Variants in RNFT1 observed in about 807,000 individuals in gnomAD.
RNFT1 encodes ring finger protein, transmembrane 1.
Under a neutral mutation model 53.2 loss-of-function variants are expected in RNFT1, and 35 were observed. The ratio of observed to expected loss-of-function variants is 0.66; its 90% CI spans 0.50 to 0.87. RNFT1 has a LOEUF of 0.87. Among genes scored for constraint, RNFT1 ranks in the 40% least tolerant of loss-of-function variants. The pLI is 0.00. For synonymous variants in RNFT1, 141 were observed against 172.8 expected, an observed-to-expected ratio of 0.82 and a Z score of 1.44; for missense variants, 421 against 515.0, an observed-to-expected ratio of 0.82 and a Z score of 1.77.
chr17:59,959,721 C>T (rs2045275653), intron 4 of RNFT1: 1 of 156,910 alleles, frequency 6.4e-6, no homozygotes, highest in Non-Finnish European at 1.4e-5. Context: ...GGAGGTCTGA[C>T]CAACATGGTG....
In RNFT1 at chr17:59,957,362, T is replaced by C. The variant is rs1051270533; in HGVS notation, c.867A>G (p.Leu289=). 2.5e-6 allele frequency: 4 copies of C among 1,613,130 alleles called. No individual in the cohort carries two copies. The African/African-American group carries it at 5.3e-5, about 22-fold the overall frequency. The change falls in exon 6 of 9, where the codon TTA becomes TTG. Residue 289 remains leucine, a synonymous_variant. Coordinates refer to ENST00000305783, the MANE Select transcript of RNFT1 (RefSeq NM_016125.4). ...TTCGGTAGTATTGACACAATTCTTCTAAAAGCATATACCAGTAACCCTAAA... is the reference window on the plus strand; with the variant it reads ...TTCGGTAGTATTGACACAATTCTTCCAAAAGCATATACCAGTAACCCTAAA... ...FKSKGYWYML[L]EELCQYYRTF...
chr17:59,963,881 T>G (rs975547), intron 1 of RNFT1, among the ~76,000 whole-genome samples: 130,474 of 152,146 alleles, frequency 0.86, 56,091 homozygotes, highest in East Asian at 0.95. Flanking sequence ...GTGCCACCAA[T>G]AATATTACCT....
At chr17:59,963,740 C>T (rs1280506878) in intron 1 of RNFT1, among the ~76,000 whole-genome samples, 1 of 141,306 alleles carries the variant, frequency 7.1e-6, no homozygotes, top group Non-Finnish European at 1.5e-5. Flanking sequence ...GGAAAAAAAA[C>T]AACATTAAAT....
intron 3 of RNFT1, among the ~76,000 whole-genome samples, chr17:59,961,165 T>A: frequency 6.6e-6 from 1 of 151,898 alleles, no homozygotes; most frequent in South Asian, 2.1e-4. Context: ...GCCTCCCAGA[T>A]AGCAGAGATT....
chr17:59,953,243 C>G (rs1029231656), intron 8 of RNFT1, 132 bp from the exon 9 acceptor site: 1 of 709,604 alleles, frequency 1.4e-6, no homozygotes, highest in African/African-American at 1.8e-5. Context: ...TCACCCAGGC[C>G]GGAGTGCAAT....
At position 59,958,422 on chromosome 17, in the gene RNFT1, A is replaced by C; in HGVS notation, c.715T>G (p.Leu239Val). 6.4e-7 allele frequency: 1 copy of C among 1,574,582 alleles called. No individual in the cohort carries two copies. The highest frequency in any genetic ancestry group is 8.5e-7 in the Non-Finnish European group (1 of 1,169,646). Residue 239 changes from leucine to valine, a missense_variant, in exon 5 of 9, where the codon TTG becomes GTG. By Grantham distance (32) the Leu-to-Val change is conservative. Coordinates refer to ENST00000305783, the MANE Select transcript of RNFT1 (RefSeq NM_016125.4). ...ACTTCCCAGAAGCTCAAATGGTCCA[A>C]AGTAGGATTTAAAAAAATTAAGCTA... ...YYSLIFLNPT[L>V]DHLSFWEVFW...
rs2045306266 is a variant in RNFT1, at chr17:59,963,012, C to T, written c.329G>A (p.Cys110Tyr). The T allele has an allele frequency of 6.2e-7, 1 of 1,614,232 alleles. No homozygotes were observed. Among genetic ancestry groups the T allele is most frequent in the Non-Finnish European group, 8.5e-7 (1 of 1,180,044 alleles). The change falls in exon 2 of 9, where the codon TGT (cysteine) becomes TAT (tyrosine). Residue 110 changes from cysteine (C) to tyrosine (Y), a missense_variant. By Grantham distance (194) the Cys-to-Tyr change is radical. Coordinates refer to ENST00000305783, the MANE Select transcript of RNFT1 (RefSeq NM_016125.4). ...RSGVHSCAHG[C>Y]VHSRLRGHSH... ...GTGACCCCGTAAGCGACTGTGTACA[C>T]ATCCATGGGCACAGCTATGGACACC...
intron 4 of RNFT1, chr17:59,958,812 A>T: frequency 5.7e-6 from 2 of 349,172 alleles, no homozygotes; most frequent in South Asian, 4.4e-5. Context: ...AAGATCATCA[A>T]CTCCCTCTGT....
In RNFT1 at chr17:59,954,016, T is replaced by C. The variant is rs769694876; in HGVS notation, c.1173+29A>G. On this transcript the variant is annotated intron_variant, in intron 8 of 8. Coordinates refer to ENST00000305783, the MANE Select transcript of RNFT1 (RefSeq NM_016125.4). ...GCAAGTCACAGAGAACTGTTGTATT[T>C]AGGTTTTTAAATTTAAAAATGTAAT... 1.6e-5 allele frequency: 22 copies of C among 1,368,266 alleles called. No individual in the cohort carries two copies. In the African/African-American group the frequency reaches 2.8e-4, roughly 18 times the overall value. 84.8% of individuals were successfully genotyped at this position (1,368,266 alleles called of 1,614,324 possible). A position where few individuals can be genotyped will look rare whatever the true frequency, so the allele number is the denominator to read the frequency against.
intron 3 of RNFT1, among the ~76,000 whole-genome samples, chr17:59,961,882 C>CTTTTTTTTT (rs71370154): frequency 2.2e-5 from 2 of 91,460 alleles, no homozygotes; most frequent in African/African-American, 4.4e-5. Context: ...TGGCCCAGGT[C>CTTTTTTTTT]TTTTTTTTTT....
At chr17:59,962,332 TACAAA>T in intron 3 of RNFT1, 1 of 463,908 alleles carries the variant, frequency 2.2e-6, no homozygotes, top group Non-Finnish European at 3.9e-6. Flanking sequence ...TTTTTTTTCT[TACAAA>T]GAAGGTAAGG....
At chr17:59,961,916 C>T (rs1319064046) in intron 3 of RNFT1, among the ~76,000 whole-genome samples, 5 of 114,242 alleles carry the variant, frequency 4.4e-5, no homozygotes, top group Non-Finnish European at 8.3e-5. Context: ...GATGGAGTCT[C>T]GTTCTGTAGC....
At chr17:59,959,225 C>T (rs544311463) in intron 4 of RNFT1, among the ~76,000 whole-genome samples, 47 of 152,304 alleles carry the variant, frequency 3.1e-4, no homozygotes, top group African/African-American at 1.1e-3. Context: ...AATGAAATGA[C>T]ACCACCATCC....
At chr17:59,958,172 T>C in intron 5 of RNFT1, 119 bp downstream of exon 5, 1 of 967,538 alleles carries the variant, frequency 1.0e-6, no homozygotes, top group Non-Finnish European at 1.5e-6. Context: ...ATAATACAGA[T>C]AATTAAGCTA....
chr17:59,956,492 T>A lies in RNFT1; in HGVS notation c.1067A>T (p.Gln356Leu). ...FRQVLRIFFT[Q>L]PSYGVAASKR... ...TAACTGATAAAAAGTACTTACTGGTTGTGTAAAAAATATTCGTAAAACCTG... is the reference window on the plus strand; with the variant it reads ...TAACTGATAAAAAGTACTTACTGGTAGTGTAAAAAATATTCGTAAAACCTG... Residue 356 changes from glutamine to leucine, a missense_variant, in exon 7 of 9, where the codon CAA (glutamine) becomes CTA (leucine). Physicochemically the swap from Gln to Leu is moderately radical, Grantham distance 113 (BLOSUM62 -2). Transcript: ENST00000305783. 1.2e-6 allele frequency: 2 copies of A among 1,610,388 alleles called. No homozygotes were observed. Among genetic ancestry groups the A allele is most frequent in the Non-Finnish European group, 1.7e-6 (2 of 1,177,906 alleles).
At chr17:59,954,194 G>C in intron 7 of RNFT1, 48 bp from the exon 8 acceptor site, 1 of 1,285,892 alleles carries the variant, frequency 7.8e-7, no homozygotes, top group Non-Finnish European at 1.1e-6. Flanking sequence ...TTTCTTTCCT[G>C]TTCCTCAAAT....
At chr17:59,962,305 C>T (rs1184552495) in intron 3 of RNFT1, 1 of 423,280 alleles carries the variant, frequency 2.4e-6, no homozygotes, top group East Asian at 4.0e-5. Flanking sequence ...CTTTTTACTA[C>T]TTTAACAGTA....
Position 59,952,797 on chromosome 17 carries a change from ATAT to A in RNFT1, c.*177_*179del. 1.9e-6 allele frequency: 1 copy of A among 517,156 alleles called. No homozygotes were observed. The highest frequency in any genetic ancestry group is 3.5e-5 in the Admixed American group (1 of 28,974). 32.0% of individuals were successfully genotyped at this position (517,156 alleles called of 1,614,324 possible). On this transcript the variant is annotated 3_prime_UTR_variant, in exon 9 of 9. Coordinates refer to ENST00000305783, the MANE Select transcript of RNFT1 (RefSeq NM_016125.4). ...ATATACATTAGGTTGAACATTATAT[ATAT>A]TTTAAAACACAGGGTGGTTTCATTT...
intron 2 of RNFT1, 32 bp downstream of exon 2, chr17:59,962,795 T>G (rs1011586391): frequency 6.4e-7 from 1 of 1,551,386 alleles, no homozygotes; most frequent in African/African-American, 1.4e-5. Flanking sequence ...AATTTAGGAA[T>G]GAAAACAAGT....
Sources: allele counts gnomAD v4.1 joint callset (sites outside exome capture counted in the v4.1 genomes callset), GRCh38; gene constraint gnomAD v4.1.1; transcripts MANE v1.5; gene names NCBI Gene and HGNC (gene_info 2026-07-23, HGNC 2026-07-21).